ZBTB11: variants seen among roughly 807,000 people sequenced by gnomAD.
ZBTB11 encodes zinc finger and BTB domain-containing protein 11.
Under a neutral mutation model 113.1 loss-of-function variants are expected in ZBTB11, and 68 were observed. The ratio of observed to expected loss-of-function variants is 0.60; its 90% CI spans 0.49 to 0.74. The LOEUF (loss-of-function observed/expected upper bound fraction) is 0.74. Ranked by LOEUF, ZBTB11 falls within the 30% of genes least tolerant of loss-of-function variation. The probability of loss-of-function intolerance (pLI) is 0.00; values close to 1 mark genes in which losing one functional copy is unlikely to be tolerated. For synonymous variants in ZBTB11, 518 were observed against 452.6 expected, an observed-to-expected ratio of 1.14 and a Z score of -1.83; for missense variants, 1,104 against 1,279.4, an observed-to-expected ratio of 0.86 and a Z score of 2.09.
intron 3 of ZBTB11, among the ~76,000 whole-genome samples, chr3:101,668,006 G>A (rs1937023602): frequency 6.6e-6 from 1 of 152,098 alleles, no homozygotes; most frequent in Non-Finnish European, 1.5e-5. Flanking sequence ...AATATGCACA[G>A]TGGAATACTA....
Position 101,651,647 on chromosome 3 carries a change from G to A in ZBTB11, c.2681C>T (p.Ala894Val). ...KPFECLTCGV[A>V]WADARSLKRH... ...TTTTAGAGATCGGGCATCAGCCCAAGCTACTCCACATGTTAAGCACTCAAA... is the reference window on the plus strand; with the variant it reads ...TTTTAGAGATCGGGCATCAGCCCAAACTACTCCACATGTTAAGCACTCAAA... The change falls in exon 11 of 11, where the codon GCT (alanine) becomes GTT (valine). Residue 894 changes from alanine (A) to valine (V), a missense_variant. Transcript: ENST00000312938. The A allele has an allele frequency of 6.3e-7, 1 of 1,576,522 alleles. No homozygotes were observed.
At chr3:101,667,020 G>C (rs552447396) in intron 3 of ZBTB11, among the ~76,000 whole-genome samples, 66 of 152,248 alleles carry the variant, frequency 4.3e-4, no homozygotes, top group Non-Finnish European at 7.5e-4. Context: ...AAAGTGCTGG[G>C]ATTACAGGCG....
At chr3:101,666,162 G>A (rs1360340308) in intron 3 of ZBTB11, among the ~76,000 whole-genome samples, 3 of 152,158 alleles carry the variant, frequency 2.0e-5, no homozygotes, top group Non-Finnish European at 4.4e-5. Context: ...AGACAGGTGA[G>A]TGGCAGGGTT....
intron 3 of ZBTB11, among the ~76,000 whole-genome samples, chr3:101,669,513 A>G (rs1484913866): frequency 1.3e-5 from 2 of 152,232 alleles, no homozygotes; most frequent in Non-Finnish European, 2.9e-5. Context: ...TTCATTTGCT[A>G]TAAACTGCTG....
At chr3:101,663,193 C>T (rs1936923205) in intron 5 of ZBTB11, among the ~76,000 whole-genome samples, 1 of 152,076 alleles carries the variant, frequency 6.6e-6, no homozygotes, top group African/African-American at 2.4e-5. Context: ...CCGCCTCAGC[C>T]TCCCAAAGTG....
intron 8 of ZBTB11, among the ~76,000 whole-genome samples, chr3:101,654,372 C>T (rs571383437): frequency 7.9e-5 from 12 of 151,978 alleles, no homozygotes; most frequent in African/African-American, 2.2e-4. Flanking sequence ...AATTTTACCT[C>T]GATTGTAACA....
rs1936691668 is a variant in ZBTB11, at chr3:101,650,988, A to C, written c.*178T>G. The C allele has an allele frequency of 6.7e-6, 4 of 598,182 alleles. No individual in the cohort carries two copies. The highest frequency in any genetic ancestry group is 1.1e-5 in the Non-Finnish European group (4 of 368,410). The allele number at this position is 598,182 out of a possible 1,614,324, so 37.1% of individuals were successfully genotyped here. ...ATCTGTTTTCAATTTCTCTACACTA[A>C]ACGGACTTTTCTATAGAACCCATTG... is the stretch of plus-strand genomic sequence containing the variant. On this transcript the variant is annotated 3_prime_UTR_variant, in exon 11 of 11. Transcript: ENST00000312938.
intron 2 of ZBTB11, 127 bp downstream of exon 2, chr3:101,671,851 A>G: frequency 1.4e-6 from 1 of 736,336 alleles, no homozygotes; most frequent in Admixed American, 2.1e-5. Context: ...CTTATATAAC[A>G]CAGTACACTG....
At chr3:101,671,894 G>A (rs1241118633) in intron 2 of ZBTB11, 84 bp downstream of exon 2, 2 of 1,047,132 alleles carry the variant, frequency 1.9e-6, no homozygotes, top group Admixed American at 3.5e-5. Flanking sequence ...CAGTCTTAGT[G>A]GTTTGAGAAA....
intron 8 of ZBTB11, 92 bp from the exon 9 acceptor site, chr3:101,653,030 T>G: frequency 7.5e-7 from 1 of 1,329,640 alleles, no homozygotes; most frequent in Non-Finnish European, 1.0e-6. Flanking sequence ...TTTTTAGAAC[T>G]CCAAAAGATG....
rs142606496 is a variant in ZBTB11, at chr3:101,671,314, C to T, written c.594G>A (p.Gln198=). The T allele has an allele frequency of 1.2e-4, 195 of 1,614,140 alleles. 2 individuals are homozygous for T. The South Asian group carries it at 1.8e-3, about 15-fold the overall frequency. ...VVKRSSPKHC[Q]AVLKQLNEQR... ...GTTCGTTCAGCTGTTTTAAGACAGC[C>T]TGACAATGTTTTGGAGAAGAACGTT... The change falls in exon 3 of 11, where the codon CAG becomes CAA. Residue 198 remains glutamine (Q), a synonymous_variant. Transcript: ENST00000312938.
Position 101,665,204 on chromosome 3 carries a change from T to C in ZBTB11, c.1383A>G (p.Ser461=), listed in dbSNP as rs1211258472. ...TGTCTTCGGCACAAATATCCTCAGC[T>C]GATATATCATTTCCCATACCACTAT... ...PEDSGMGNDI[S]AEDICAEDIP... is the part of the protein sequence containing the mutation. Residue 461 remains serine (S), a synonymous_variant, in exon 4 of 11, where the codon TCA becomes TCG. Transcript: ENST00000312938. 6.2e-7 allele frequency: 1 copy of C among 1,614,192 alleles called. No homozygotes were observed. Among genetic ancestry groups the C allele is most frequent in the Non-Finnish European group, 8.5e-7 (1 of 1,180,030 alleles).
intron 5 of ZBTB11, 116 bp from the exon 6 acceptor site, chr3:101,660,144 A>G (rs1936863777): frequency 9.7e-7 from 1 of 1,034,746 alleles, no homozygotes; most frequent in Non-Finnish European, 1.4e-6. Flanking sequence ...TAAACACACT[A>G]TGTAAAAAAC....
chr3:101,674,006 T>C (rs73159224), intron 1 of ZBTB11, among the ~76,000 whole-genome samples: 12,053 of 151,698 alleles, frequency 0.079, 717 homozygotes, highest in Admixed American at 0.19. Flanking sequence ...ACCTAGGAAT[T>C]TGTCAAATTT....
At chr3:101,664,426 C>T in intron 5 of ZBTB11, 112 bp downstream of exon 5, 1 of 1,052,018 alleles carries the variant, frequency 9.5e-7, no homozygotes. Context: ...AAGAAGATGA[C>T]TCTTATAGCC....
At position 101,660,022 on chromosome 3, in the gene ZBTB11, T is replaced by C. The variant is rs757145815; in HGVS notation, c.1807A>G (p.Lys603Glu). The C allele has an allele frequency of 4.5e-5, 72 of 1,609,784 alleles. No individual in the cohort carries two copies. In the Admixed American group the frequency reaches 7.4e-4, roughly 16 times the overall value. Residue 603 changes from lysine (K) to glutamate (E), a missense_variant, in exon 6 of 11, where the codon AAA becomes GAA. Transcript: ENST00000312938. ...RARDYKCPLC[K>E]KQFQYSASLR... Reference sequence around the variant, plus strand: ...GAGGCACTGTACTGAAACTGTTTTTTACACAACTAAAAGAAAAATAAAATT... The same window carrying C: ...GAGGCACTGTACTGAAACTGTTTTTCACACAACTAAAAGAAAAATAAAATT...
rs1473816581 is a variant in ZBTB11 at position 101,665,024 on chromosome 3, G to A, written c.1563C>T (p.His521=). Residue 521 remains histidine, a synonymous_variant, in exon 4 of 11, where the codon CAC becomes CAT. Transcript: ENST00000312938. ...SVNEGAYIRL[H]KGMEKKLQKR... The stretch of plus-strand genomic sequence containing the variant: ...TCTGCAGCTTTTTCTCCATTCCCTT[G>A]TGTAGTCGAATATATGCCCCTTCAT... 1 of 1,614,048 alleles carries A rather than the reference G, an allele frequency of 6.2e-7. No individual in the cohort carries two copies. The highest frequency in any genetic ancestry group is 8.5e-7 in the Non-Finnish European group (1 of 1,179,996).
chr3:101,660,225 A>C (rs1936864993), intron 5 of ZBTB11, among the ~76,000 whole-genome samples, 197 bp from the exon 6 acceptor site: 1 of 152,236 alleles, frequency 6.6e-6, no homozygotes, highest in Non-Finnish European at 1.5e-5. Flanking sequence ...AAAGTCTAAC[A>C]ACAGCACAAT....
Position 101,660,000 on chromosome 3 carries a change from G to A in ZBTB11, c.1829C>T (p.Ala610Val), listed in dbSNP as rs533080623. ...PLCKKQFQYS[A>V]SLRAHLIRHT... ...ACGAATAAGATGTGCTCGCAAAGAG[G>A]CACTGTACTGAAACTGTTTTTTACA... is the stretch of plus-strand genomic sequence containing the variant. The change falls in exon 6 of 11, where the codon GCC (alanine) becomes GTC (valine). Residue 610 changes from alanine (A) to valine (V), a missense_variant. Around this residue, in one of 5 missense-constraint regions of ZBTB11, gnomAD observed 535 missense variants for 518.6 expected, o/e 1.03. Transcript: ENST00000312938. 1 of 1,614,028 alleles carries A rather than the reference G, an allele frequency of 6.2e-7. No homozygotes were observed. Among genetic ancestry groups the A allele is most frequent in the African/African-American group, 1.3e-5 (1 of 75,032 alleles).
Sources: gnomAD v4.1 joint callset for allele counts (sites outside exome capture counted in the v4.1 genomes callset) on GRCh38, gnomAD v4.1.1 for gene constraint, gnomAD v4.1.1 regional missense constraint, MANE v1.5 for transcripts, NCBI Gene and HGNC (gene_info 2026-07-23, HGNC 2026-07-21) for gene names.